Variants in CALD1 observed in about 807,000 individuals in gnomAD.
CALD1 encodes the protein caldesmon.
CALD1 carries 33 observed loss-of-function variants against 99.9 expected under a neutral mutation model. The ratio of observed to expected loss-of-function variants is 0.33; its 90% CI spans 0.25 to 0.44. The LOEUF (loss-of-function observed/expected upper bound fraction) is 0.44. Among genes scored for constraint, CALD1 ranks in the 20% least tolerant of loss-of-function variants. The pLI, the probability that CALD1 is intolerant of heterozygous loss-of-function variation, is 1.00. For missense variants in CALD1, 861 were observed against 962.1 expected, an observed-to-expected ratio of 0.89 and a Z score of 1.39; for synonymous variants, 310 against 325.0, an observed-to-expected ratio of 0.95 and a Z score of 0.50.
At chr7:134,927,131 C>G (rs955532893) in intron 3 of CALD1, among the ~76,000 whole-genome samples, 1 of 152,166 alleles carries the variant, frequency 6.6e-6, no homozygotes, top group African/African-American at 2.4e-5. Context: ...CTCTGTATCT[C>G]AGTACACATT....
chr7:134,752,786 A>C (rs1796695797), intron 1 of CALD1, among the ~76,000 whole-genome samples: 1 of 152,094 alleles, frequency 6.6e-6, no homozygotes, highest in Admixed American at 6.6e-5. Flanking sequence ...AGATCACCGG[A>C]GGTAAGGAGT....
chr7:134,899,392 G>A (rs1318717372), intron 3 of CALD1, among the ~76,000 whole-genome samples: 2 of 151,866 alleles, frequency 1.3e-5, no homozygotes, highest in African/African-American at 4.8e-5. Context: ...TAGTAGAGAC[G>A]GGGTTTCACC....
Position 134,890,571 on chromosome 7 carries a change from C to G in CALD1, c.71+22767C>G, listed in dbSNP as rs759421443. On this transcript the variant is annotated intron_variant, in intron 3 of 14. Transcript: ENST00000361675. ...CCAGTCCCACGAGCAGCTTGGTACC[C>G]AAATACCAGTCTGTTTAGTGCTCAT... is the stretch of plus-strand genomic sequence containing the variant. Among the ~76,000 whole-genome samples, 16 of 152,292 alleles carry G rather than the reference C, an allele frequency of 1.1e-4. No individual in the cohort carries two copies. In the East Asian group the frequency reaches 2.9e-3, roughly 28 times the overall value.
intron 1 of CALD1, among the ~76,000 whole-genome samples, chr7:134,813,365 TATG>T (rs1798429938): frequency 6.6e-6 from 1 of 152,178 alleles, no homozygotes; most frequent in Non-Finnish European, 1.5e-5. Flanking sequence ...GACATGCTTG[TATG>T]ATGATGAGAA....
rs572017899 is a variant in CALD1 at position 134,783,569 on chromosome 7, A to C, written c.-130+3820A>C. Among the ~76,000 whole-genome samples, 1 of 152,214 alleles carries C rather than the reference A, an allele frequency of 6.6e-6. No homozygotes were observed. Among genetic ancestry groups the C allele is most frequent in the East Asian group, 1.9e-4 (1 of 5,172 alleles). On this transcript the variant is annotated intron_variant, in intron 1 of 14. Transcript: ENST00000361675. This position sits in a 1 kb window ranked among gnomAD's most constrained non-coding sequence, Gnocchi z 4.3. ...GGCTATGGGAGCGGGGTCGGGGGGA[A>C]ACTATGACCTGGGCTGTGAGGGAGG...
rs191240092 is a variant in CALD1, at chr7:134,860,045, G to A, written c.-41-7648G>A. On this transcript the variant is annotated intron_variant, in intron 2 of 14. Transcript: ENST00000361675. Reference sequence around the variant, plus strand: ...AAAACAGGTCATAACCTGTTAACCTGCCCTTAGTATGTTGGATTCCATTGA... The same window carrying A: ...AAAACAGGTCATAACCTGTTAACCTACCCTTAGTATGTTGGATTCCATTGA... 5.2e-4 allele frequency among the ~76,000 whole-genome samples: 79 copies of A among 152,236 alleles called. 2 individuals are homozygous for A. The highest frequency in any genetic ancestry group is 1.9e-3 in the African/African-American group (77 of 41,548).
At chr7:134,939,844 A>G (rs892043082) in intron 6 of CALD1, among the ~76,000 whole-genome samples, 4 of 152,090 alleles carry the variant, frequency 2.6e-5, no homozygotes, top group East Asian at 3.9e-4. Context: ...CATGCCTGTA[A>G]TCCCAGCTAC....
chr7:134,921,808 C>T (rs184186068), intron 3 of CALD1, among the ~76,000 whole-genome samples: 1 of 151,736 alleles, frequency 6.6e-6, no homozygotes, highest in Non-Finnish European at 1.5e-5. Context: ...AAAAACAAAA[C>T]AAAACAAAAC....
chr7:134,810,746 C>T (rs1395104457), intron 1 of CALD1, among the ~76,000 whole-genome samples: 1 of 152,178 alleles, frequency 6.6e-6, no homozygotes, highest in Non-Finnish European at 1.5e-5. Context: ...TCAGCCTTTG[C>T]ATTCTCAGTC....
At chr7:134,825,497 G>A (rs1798952370) in intron 1 of CALD1, among the ~76,000 whole-genome samples, 2 of 151,964 alleles carry the variant, frequency 1.3e-5, no homozygotes, top group African/African-American at 2.4e-5. Context: ...AGAAAAATTA[G>A]CATTTTAAAA....
At chr7:134,928,945 C>T in intron 4 of CALD1, 45 bp downstream of exon 4, 1 of 1,526,796 alleles carries the variant, frequency 6.5e-7, no homozygotes, top group Non-Finnish European at 8.9e-7. Flanking sequence ...TGCGTCTTAG[C>T]CTGTCCGTTG....
At chr7:134,794,165 A>G (rs1797656176) in intron 1 of CALD1, among the ~76,000 whole-genome samples, 1 of 152,152 alleles carries the variant, frequency 6.6e-6, no homozygotes, top group Admixed American at 6.5e-5. Context: ...GTCTCAGATG[A>G]GCCCTGAGTG....
chr7:134,723,899 T>C, the CALD1 span, among the ~76,000 whole-genome samples: 1,191 of 152,296 alleles, frequency 7.8e-3, 15 homozygotes, highest in African/African-American at 0.027. Context: ...CTACTGTTTA[T>C]TGAGTCTGAG....
At chr7:134,922,978 G>C (rs1019988505) in intron 3 of CALD1, among the ~76,000 whole-genome samples, 1 of 152,168 alleles carries the variant, frequency 6.6e-6, no homozygotes, top group African/African-American at 2.4e-5. Context: ...TCCAGGAATG[G>C]AAGAAAAGCC....
At chr7:134,806,745 C>A (rs1298653014) in intron 1 of CALD1, among the ~76,000 whole-genome samples, 2 of 151,996 alleles carry the variant, frequency 1.3e-5, no homozygotes, top group Non-Finnish European at 2.9e-5. Context: ...CAATCCTTCG[C>A]CAACAATTTT....
chr7:134,803,297 A>G (rs942772268), intron 1 of CALD1, among the ~76,000 whole-genome samples: 9 of 152,154 alleles, frequency 5.9e-5, no homozygotes, highest in African/African-American at 2.2e-4. Context: ...TATGTATTAT[A>G]TTAATACATA....
intron 5 of CALD1, 38 bp downstream of exon 5, chr7:134,934,115 T>C: frequency 6.4e-7 from 1 of 1,574,348 alleles, no homozygotes; most frequent in East Asian, 2.2e-5. Flanking sequence ...GTGATGCCTG[T>C]GACTTGTGAG....
rs910621555 is a variant in CALD1, at chr7:134,929,613, TATATATAC to T, written c.218+714_218+721del. Among the ~76,000 whole-genome samples, 5 of 5,770 alleles carry T rather than the reference TATATATAC, an allele frequency of 8.7e-4. 2 individuals carry two copies. Among genetic ancestry groups the T allele is most frequent in the African/African-American group, 2.0e-3 (2 of 1,018 alleles). The allele number at this position is 5,770 out of a possible 152,430, so 3.8% of individuals were successfully genotyped here. A position where few individuals can be genotyped will look rare whatever the true frequency, so the allele number is the denominator to read the frequency against. Reference sequence around the variant, plus strand: ...GCTGAATAGTATTCCATGGTGTGTGTATATATACGTGTGTGTGTGTGTGTGTGTGTGTG... The same window carrying T: ...GCTGAATAGTATTCCATGGTGTGTGTGTGTGTGTGTGTGTGTGTGTGTGTG... On this transcript the variant is annotated intron_variant, in intron 4 of 14. Transcript: ENST00000361675.
chr7:134,876,062 G>T (rs1043805793), intron 3 of CALD1, among the ~76,000 whole-genome samples: 1 of 152,184 alleles, frequency 6.6e-6, no homozygotes, highest in African/African-American at 2.4e-5. Context: ...GGAACATTAT[G>T]TATTCAGTTT....
Sources: gnomAD v4.1 joint callset for allele counts (sites outside exome capture counted in the v4.1 genomes callset) on GRCh38, gnomAD v4.1.1 for gene constraint, Gnocchi (gnomAD v3.1) non-coding constraint, MANE v1.5 for transcripts, NCBI Gene and HGNC (gene_info 2026-07-23, HGNC 2026-07-21) for gene names.